Variants in SUSD1 observed in about 807,000 individuals in gnomAD.
SUSD1 encodes the protein sushi domain-containing protein 1.
A neutral mutation model predicts 86.9 loss-of-function variants in SUSD1; 65 were observed. The ratio of observed to expected loss-of-function variants is 0.75; its 90% CI spans 0.61 to 0.92. The LOEUF is 0.92. SUSD1 is among the 40% of genes least tolerant of loss of function. The pLI is 0.00. For missense variants in SUSD1, 850 were observed against 929.7 expected (o/e 0.91, Z 1.11); for synonymous variants, 346 against 350.0 (o/e 0.99, Z 0.13).
At chr9:112,098,793 A>G (rs2131608540) in intron 9 of SUSD1, 131 bp from the exon 10 acceptor site, 1 of 834,504 alleles carries the variant, frequency 1.2e-6, no homozygotes, top group African/African-American at 1.7e-5. Context: ...AATTACTTTT[A>G]AGACAATAGC....
chr9:112,100,364 T>A (rs1263072721), intron 9 of SUSD1, among the ~76,000 whole-genome samples: 1 of 151,604 alleles, frequency 6.6e-6, no homozygotes, highest in East Asian at 2.0e-4. Context: ...TTTTTTGTAT[T>A]TTTAGTAGAG....
intron 1 of SUSD1, chr9:112,169,166 G>C (rs2131859766): frequency 6.6e-6 from 1 of 151,566 alleles, no homozygotes; most frequent in Admixed American, 6.6e-5. Flanking sequence ...ATCCCTCCAA[G>C]ACAGAGAGCA....
At chr9:112,146,334 A>C (rs915804706) in intron 3 of SUSD1, among the ~76,000 whole-genome samples, 1 of 152,230 alleles carries the variant, frequency 6.6e-6, no homozygotes, top group Admixed American at 6.5e-5. Flanking sequence ...TGATGCTAGC[A>C]CAACTTTGTG....
intron 14 of SUSD1, among the ~76,000 whole-genome samples, chr9:112,056,008 C>A (rs1368765522): frequency 6.6e-6 from 1 of 152,114 alleles, no homozygotes; most frequent in African/African-American, 2.4e-5. Context: ...TGCCTGTAAT[C>A]CCAACACTTT....
Position 112,098,534 on chromosome 9 carries a change from A to T in SUSD1, c.1410T>A (p.Asn470Lys), listed in dbSNP as rs1374207981. Reference sequence around the variant, plus strand: ...GCTTAGGAGATCTCAGCAGGGTCACATTCACCGTATAATCAGTCGTAGGGT... The same window carrying T: ...GCTTAGGAGATCTCAGCAGGGTCACTTTCACCGTATAATCAGTCGTAGGGT... ...DLYPTTDYTV[N>K]VTLLRSPKRH... The change falls in exon 10 of 17, where the codon AAT becomes AAA. Residue 470 changes from asparagine to lysine, a missense_variant. Asn to Lys is a moderately conservative substitution (Grantham distance 94, BLOSUM62 0). Coordinates refer to ENST00000374270, the MANE Select transcript of SUSD1 (RefSeq NM_022486.5). 1 of 1,614,080 alleles carries T rather than the reference A, an allele frequency of 6.2e-7. No individual in the cohort carries two copies. The highest frequency in any genetic ancestry group is 8.5e-7 in the Non-Finnish European group (1 of 1,180,036).
At chr9:112,173,617 C>T (rs182441702) in intron 1 of SUSD1, 289 of 440,068 alleles carry the variant, frequency 6.6e-4, no homozygotes, top group African/African-American at 5.5e-3. Flanking sequence ...TGATCCTTGA[C>T]CTTGGTCTTT....
intron 14 of SUSD1, among the ~76,000 whole-genome samples, chr9:112,052,674 G>T (rs1237167210): frequency 2.0e-5 from 3 of 152,130 alleles, no homozygotes; most frequent in African/African-American, 7.2e-5. Context: ...TTTCCAACAG[G>T]TCTTGGAAAG....
intron 1 of SUSD1, among the ~76,000 whole-genome samples, chr9:112,159,074 C>T (rs990864444): frequency 1.3e-5 from 2 of 151,834 alleles, no homozygotes; most frequent in Non-Finnish European, 2.9e-5. Flanking sequence ...AGTAGGATGA[C>T]CAGATCCCAA....
At chr9:112,115,808 CA>C (rs1406590665) in intron 6 of SUSD1, among the ~76,000 whole-genome samples, 2 of 59,604 alleles carry the variant, frequency 3.4e-5, no homozygotes, top group Admixed American at 2.1e-4. Context: ...GACTCCATTG[CA>C]AAAAAAAAAA....
chr9:112,100,838 A>C (rs1021213119), intron 9 of SUSD1, among the ~76,000 whole-genome samples: 2 of 140,484 alleles, frequency 1.4e-5, no homozygotes, highest in African/African-American at 2.8e-5. Flanking sequence ...TCTCAAAAAA[A>C]ACAAAAAAAT....
rs531085925 is a variant in SUSD1, at chr9:112,160,555, A to C, written c.104-2942T>G. ...TGAGACTCCATCTCAAAAAATAAAA[A>C]TAAAGAAGATGAGAAAGAGATGGAT... On this transcript the variant is annotated intron_variant, in intron 1 of 16. Transcript: ENST00000374270. Among the ~76,000 whole-genome samples, 4 of 152,182 alleles carry C rather than the reference A, an allele frequency of 2.6e-5. No homozygotes were observed. In the South Asian group the frequency reaches 8.3e-4, roughly 32 times the overall value.
chr9:112,114,764 G>A (rs1345060403), intron 6 of SUSD1, among the ~76,000 whole-genome samples: 1 of 152,162 alleles, frequency 6.6e-6, no homozygotes, highest in East Asian at 1.9e-4. Context: ...CATGCCATCT[G>A]GAAGTGCAGG....
intron 10 of SUSD1, among the ~76,000 whole-genome samples, chr9:112,084,335 T>C (rs1299007295): frequency 6.6e-6 from 1 of 152,134 alleles, no homozygotes; most frequent in Non-Finnish European, 1.5e-5. Flanking sequence ...GAGATGACAA[T>C]ACATGAATTG....
intron 10 of SUSD1, among the ~76,000 whole-genome samples, chr9:112,086,070 G>A (rs1196558638): frequency 2.0e-5 from 3 of 152,088 alleles, no homozygotes; most frequent in Admixed American, 2.0e-4. Flanking sequence ...TTGAGAGGCC[G>A]AGGTGGAAGG....
At chr9:112,083,896 C>T (rs116745490) in intron 10 of SUSD1, among the ~76,000 whole-genome samples, 381 of 152,262 alleles carry the variant, frequency 2.5e-3, no homozygotes, top group African/African-American at 8.7e-3. Flanking sequence ...GTTCCCATTG[C>T]GCTTTACATA....
intron 12 of SUSD1, among the ~76,000 whole-genome samples, chr9:112,065,818 T>TTTATAA (rs1290275121): frequency 1.3e-5 from 2 of 152,174 alleles, no homozygotes; most frequent in African/African-American, 4.8e-5. Context: ...AATGAGCCAA[T>TTTATAA]TCATAATGAT....
chr9:112,113,690 G>T lies in SUSD1; in HGVS notation c.887-822C>A, dbSNP rs898763544. On this transcript the variant is annotated intron_variant, in intron 6 of 16. Transcript: ENST00000374270. This position sits in a 1 kb window ranked among gnomAD's most constrained non-coding sequence, Gnocchi z 4.1. ...CTCACACCTGTAATCTCAGCACTTTGGGAGGCCAAGGTTGGCGGATTACCT... is the reference window on the plus strand; with the variant it reads ...CTCACACCTGTAATCTCAGCACTTTTGGAGGCCAAGGTTGGCGGATTACCT... Among the ~76,000 whole-genome samples the T allele has an allele frequency of 6.6e-6, 1 of 152,186 alleles. No homozygotes were observed. Among genetic ancestry groups the T allele is most frequent in the Admixed American group, 6.5e-5 (1 of 15,276 alleles).
intron 15 of SUSD1, among the ~76,000 whole-genome samples, chr9:112,046,407 G>A (rs754454558): frequency 3.4e-4 from 52 of 152,138 alleles, no homozygotes; most frequent in Admixed American, 1.8e-3. Flanking sequence ...TCCCACATCA[G>A]TTACTCAATC....
At chr9:112,119,562 T>G (rs918383836) in intron 6 of SUSD1, among the ~76,000 whole-genome samples, 1 of 152,154 alleles carries the variant, frequency 6.6e-6, no homozygotes, top group Non-Finnish European at 1.5e-5. Flanking sequence ...GTGGAGTGAG[T>G]GAGCGTCAGC....
Sources: allele counts gnomAD v4.1 joint callset (sites outside exome capture counted in the v4.1 genomes callset), GRCh38; gene constraint gnomAD v4.1.1; non-coding constraint Gnocchi (gnomAD v3.1); transcripts MANE v1.5; gene names NCBI Gene and HGNC (gene_info 2026-07-23, HGNC 2026-07-21).